The following COL19A1 variants were observed in gnomAD, a reference collection of about 807,000 sequenced individuals.
COL19A1 encodes collagen alpha-1(XIX) chain.
Under a neutral mutation model 190.2 loss-of-function variants are expected in COL19A1, and 159 were observed. That is an observed-to-expected ratio of 0.84 (90% confidence interval 0.73 to 0.95). The LOEUF (loss-of-function observed/expected upper bound fraction) is 0.95. COL19A1 is among the 40% of genes least tolerant of loss of function. COL19A1 has a pLI of 0.00. For synonymous variants in COL19A1, 509 were observed against 458.9 expected, an observed-to-expected ratio of 1.11 and a Z score of -1.39; for missense variants, 1,418 against 1,431.9, an observed-to-expected ratio of 0.99 and a Z score of 0.16.
rs558932494 is a variant in COL19A1 at position 70,209,663 on chromosome 6, G to A, written c.*2389G>A. On this transcript the variant is annotated 3_prime_UTR_variant, in exon 51 of 51. Coordinates refer to ENST00000620364, the MANE Select transcript of COL19A1 (RefSeq NM_001858.6). The stretch of plus-strand genomic sequence containing the variant: ...AATATTGTGTGATGCATATTACAAA[G>A]TGGACTTGTCACAATGACACAAACT... The A allele has an allele frequency of 3.9e-5, 6 of 152,328 alleles. No homozygotes were observed. The East Asian group carries it at 1.2e-3, about 29-fold the overall frequency. 9.4% of individuals were successfully genotyped at this position (152,328 alleles called of 1,614,324 possible). A position where few individuals can be genotyped will look rare whatever the true frequency, so the allele number is the denominator to read the frequency against.
At chr6:70,094,494 A>G (rs955202701) in intron 15 of COL19A1, among the ~76,000 whole-genome samples, 7 of 152,146 alleles carry the variant, frequency 4.6e-5, no homozygotes, top group African/African-American at 1.2e-4. Flanking sequence ...CACAGGTTTC[A>G]TTTTGTGGGT....
intron 48 of COL19A1, among the ~76,000 whole-genome samples, chr6:70,195,341 G>A (rs181359791): frequency 2.6e-5 from 4 of 152,002 alleles, no homozygotes; most frequent in East Asian, 3.9e-4. Context: ...AGTTGTGAGC[G>A]AACAGTGGGG....
intron 27 of COL19A1, among the ~76,000 whole-genome samples, chr6:70,148,957 G>A (rs979476501): frequency 4.0e-5 from 6 of 151,732 alleles, no homozygotes; most frequent in African/African-American, 1.2e-4. Context: ...AATTATTAGG[G>A]AAGTGATGGT....
At chr6:69,968,906 C>G (rs887591221) in intron 11 of COL19A1, among the ~76,000 whole-genome samples, 3 of 152,150 alleles carry the variant, frequency 2.0e-5, no homozygotes, top group Non-Finnish European at 4.4e-5. Context: ...CCTGAAAGAG[C>G]CTAGACTTGA....
At position 69,949,388 on chromosome 6, in the gene COL19A1, C is replaced by T. The variant is rs571187032; in HGVS notation, c.937-10608C>T. 1.3e-4 allele frequency among the ~76,000 whole-genome samples: 19 copies of T among 151,850 alleles called. No individual in the cohort carries two copies. In the South Asian group the frequency reaches 1.5e-3, roughly 12 times the overall value. The stretch of plus-strand genomic sequence containing the variant: ...GTGACACTCTTGAGTGAAAAAATGC[C>T]GCCTCAATAGTGTTTTCTCGCTTCT... On this transcript the variant is annotated intron_variant, in intron 9 of 50. Coordinates refer to ENST00000620364, the MANE Select transcript of COL19A1 (RefSeq NM_001858.6).
chr6:70,142,240 C>T (rs184409399), intron 22 of COL19A1, among the ~76,000 whole-genome samples, 164 bp downstream of exon 22: 69 of 152,248 alleles, frequency 4.5e-4, no homozygotes, highest in African/African-American at 1.6e-3. Flanking sequence ...ATTTATTACA[C>T]GCATAGTAAC....
At chr6:70,025,279 G>A (rs1262664815) in intron 12 of COL19A1, among the ~76,000 whole-genome samples, 2 of 152,002 alleles carry the variant, frequency 1.3e-5, no homozygotes, top group African/African-American at 4.8e-5. Context: ...ATCCGCCCGC[G>A]TCGGCCTCCC....
chr6:69,932,301 A>G (rs1772808675), intron 6 of COL19A1, among the ~76,000 whole-genome samples: 1 of 152,038 alleles, frequency 6.6e-6, no homozygotes, highest in African/African-American at 2.4e-5. Flanking sequence ...AAATATAGAT[A>G]AAAAATTTTT....
At chr6:70,031,479 G>A (rs1290164315) in intron 12 of COL19A1, among the ~76,000 whole-genome samples, 4 of 151,702 alleles carry the variant, frequency 2.6e-5, no homozygotes, top group African/African-American at 4.8e-5. Context: ...ACCCTTTCCA[G>A]TCTTTGTTAT....
At chr6:69,957,843 G>A (rs958412847) in intron 9 of COL19A1, among the ~76,000 whole-genome samples, 3 of 152,128 alleles carry the variant, frequency 2.0e-5, no homozygotes, top group Admixed American at 1.3e-4. Context: ...GGGTGTCAGA[G>A]GGAGCATAAA....
At chr6:69,968,104 T>G (rs370097135) in intron 11 of COL19A1, among the ~76,000 whole-genome samples, 6 of 152,180 alleles carry the variant, frequency 3.9e-5, no homozygotes, top group Admixed American at 2.0e-4. Context: ...TTAGGCTTGG[T>G]GCTGATTGTA....
At chr6:69,917,767 A>T (rs1024197773) in intron 4 of COL19A1, among the ~76,000 whole-genome samples, 2 of 152,188 alleles carry the variant, frequency 1.3e-5, no homozygotes, top group African/African-American at 4.8e-5. Flanking sequence ...CTTTGGAAGA[A>T]GAAGAATTGT....
intron 42 of COL19A1, among the ~76,000 whole-genome samples, chr6:70,178,069 A>G (rs1217189664): frequency 1.3e-5 from 2 of 152,252 alleles, no homozygotes; most frequent in Non-Finnish European, 2.9e-5. Context: ...TTACTAAAAA[A>G]GCAGTTTTCA....
chr6:69,967,508 T>C (rs957917318), intron 11 of COL19A1, among the ~76,000 whole-genome samples: 22 of 152,220 alleles, frequency 1.4e-4, no homozygotes, highest in Admixed American at 1.4e-3. Context: ...ATAATCTTTA[T>C]TGCTGATCTT....
At chr6:70,127,364 A>C (rs535908350) in intron 17 of COL19A1, among the ~76,000 whole-genome samples, 1 of 152,240 alleles carries the variant, frequency 6.6e-6, no homozygotes, top group East Asian at 1.9e-4. Flanking sequence ...TCAGGAAAGC[A>C]AGAGTGGATT....
chr6:69,894,949 G>T (rs1441629053), intron 2 of COL19A1, among the ~76,000 whole-genome samples: 1 of 152,240 alleles, frequency 6.6e-6, no homozygotes, highest in Non-Finnish European at 1.5e-5. Flanking sequence ...TGCTGATGGA[G>T]TGGAGAGGAG....
intron 16 of COL19A1, 35 bp downstream of exon 16, chr6:70,102,257 A>ACAGACTCTTTAAAG: frequency 1.4e-6 from 2 of 1,467,764 alleles, no homozygotes; most frequent in Non-Finnish European, 1.9e-6. Flanking sequence ...CCCTTTAAAG[A>ACAGACTCTTTAAAG]GTCTGTCTTT....
chr6:70,157,536 C>G (rs1399139744), intron 34 of COL19A1, among the ~76,000 whole-genome samples: 1 of 151,878 alleles, frequency 6.6e-6, no homozygotes, highest in Non-Finnish European at 1.5e-5. Context: ...ATCTATTTTT[C>G]TAGGTGGAGT....
chr6:70,137,883 G>C, intron 19 of COL19A1, 136 bp downstream of exon 19: 1 of 750,142 alleles, frequency 1.3e-6, no homozygotes, highest in Non-Finnish European at 2.2e-6. Flanking sequence ...CTTCAAGCAA[G>C]TACTAGCTAC....
Sources: gnomAD v4.1 joint callset for allele counts (sites outside exome capture counted in the v4.1 genomes callset) on GRCh38, gnomAD v4.1.1 for gene constraint, MANE v1.5 for transcripts, NCBI Gene and HGNC (gene_info 2026-07-23, HGNC 2026-07-21) for gene names.